Variants in ARHGAP6 observed in about 807,000 individuals in gnomAD.
ARHGAP6 encodes Rho GTPase activating protein 6.
ARHGAP6 carries 16 observed loss-of-function variants against 55.7 expected under a neutral mutation model. That is an observed-to-expected ratio of 0.29 (90% CI 0.19 to 0.44). The LOEUF (loss-of-function observed/expected upper bound fraction) is 0.44. Among genes scored for constraint, ARHGAP6 ranks in the 20% least tolerant of loss-of-function variants. The pLI is 1.00. For synonymous variants in ARHGAP6, 382 were observed against 360.9 expected, an observed-to-expected ratio of 1.06 and a Z score of -0.66; for missense variants, 698 against 808.9, an observed-to-expected ratio of 0.86 and a Z score of 1.66.
chrX:11,518,866 T>G (rs1192674489), intron 1 of ARHGAP6, among the ~76,000 whole-genome samples: 1 of 84,970 alleles, frequency 1.2e-5, no homozygotes, highest in African/African-American at 4.6e-5. Flanking sequence ...TTCCCACCTA[T>G]GAGTGAGAAT....
chrX:11,527,408 T>C (rs1019535298), intron 1 of ARHGAP6, among the ~76,000 whole-genome samples: 1 of 111,674 alleles, frequency 9.0e-6, no homozygotes, highest in Non-Finnish European at 1.9e-5. Flanking sequence ...GGTCAGGAGT[T>C]GGAGACCAGC....
intron 8 of ARHGAP6, among the ~76,000 whole-genome samples, chrX:11,177,811 T>C (rs955494283): frequency 6.2e-5 from 7 of 112,156 alleles, no homozygotes; most frequent in Non-Finnish European, 1.3e-4. Context: ...GTTCACTGTT[T>C]TTCTTCTTTA....
intron 2 of ARHGAP6, among the ~76,000 whole-genome samples, chrX:11,233,868 T>C (rs1428520684): frequency 8.9e-6 from 1 of 112,432 alleles, no homozygotes; most frequent in Non-Finnish European, 1.9e-5. Flanking sequence ...GTACATTGGA[T>C]ACAAGACACA....
chrX:11,390,157 T>G (rs1454218680), intron 1 of ARHGAP6, among the ~76,000 whole-genome samples: 1 of 112,018 alleles, frequency 8.9e-6, no homozygotes, highest in Non-Finnish European at 1.9e-5. Flanking sequence ...CTAGCCAATT[T>G]TCCCAGCACC....
chrX:11,521,129 T>G (rs899594331), intron 1 of ARHGAP6, among the ~76,000 whole-genome samples: 2 of 112,089 alleles, frequency 1.8e-5, no homozygotes, highest in African/African-American at 6.5e-5. Context: ...TCTGATAGTA[T>G]TTTCTTTTGC....
At chrX:11,171,307 TTTC>T (rs754633067) in intron 8 of ARHGAP6, among the ~76,000 whole-genome samples, 1 of 110,349 alleles carries the variant, frequency 9.1e-6, no homozygotes, top group Non-Finnish European at 1.9e-5. Context: ...CACCTGATAT[TTTC>T]TTCTTTAAAA....
At chrX:11,153,549 AG>A in intron 10 of ARHGAP6, among the ~76,000 whole-genome samples, 2 of 104,955 alleles carry the variant, frequency 1.9e-5, no homozygotes, top group African/African-American at 6.9e-5. Context: ...AAAAAAAAAA[AG>A]GCAACTACAG....
chrX:11,276,383 A>G (rs2047765870), intron 1 of ARHGAP6, among the ~76,000 whole-genome samples: 1 of 112,245 alleles, frequency 8.9e-6, no homozygotes. Context: ...GTTGAAAGAA[A>G]ATTTGAAGGA....
chrX:11,147,076 A>G (rs984119216), intron 10 of ARHGAP6, among the ~76,000 whole-genome samples: 5 of 112,066 alleles, frequency 4.5e-5, no homozygotes, highest in African/African-American at 1.6e-4. Context: ...ATTGTTTTAT[A>G]TCTGTCAGAA....
intron 1 of ARHGAP6, chrX:11,427,524 C>T: frequency 1.1e-6 from 1 of 943,163 alleles, no homozygotes; most frequent in South Asian, 2.1e-5. Context: ...CCCCTGTGTC[C>T]TCTGCACGCG....
At chrX:11,620,869 C>T (rs758775693) in intron 1 of ARHGAP6, among the ~76,000 whole-genome samples, 4 of 111,924 alleles carry the variant, frequency 3.6e-5, no homozygotes, top group South Asian at 3.8e-4. Context: ...AAGAATCATC[C>T]GGTCCAAAAT....
intron 1 of ARHGAP6, among the ~76,000 whole-genome samples, chrX:11,654,903 C>T (rs938635179): frequency 8.9e-6 from 1 of 112,147 alleles, no homozygotes; most frequent in Non-Finnish European, 1.9e-5. Context: ...GTAAAATTCA[C>T]AGACCATATA....
chrX:11,517,033 T>A (rs761566884), intron 1 of ARHGAP6, among the ~76,000 whole-genome samples: 1 of 111,902 alleles, frequency 8.9e-6, no homozygotes, highest in African/African-American at 3.2e-5. Context: ...ATAACAATAA[T>A]AACAATCACA....
intron 1 of ARHGAP6, among the ~76,000 whole-genome samples, chrX:11,579,252 C>T (rs1469079274): frequency 9.0e-6 from 1 of 111,264 alleles, no homozygotes; most frequent in Non-Finnish European, 1.9e-5. Context: ...TTTGGACGAT[C>T]ATGGGCCCAA....
chrX:11,344,142 A>G (rs1250166719), intron 1 of ARHGAP6, among the ~76,000 whole-genome samples: 1 of 111,820 alleles, frequency 8.9e-6, no homozygotes, highest in Admixed American at 9.5e-5. Context: ...GTTACTCAAT[A>G]TAAGCATTAT....
intron 1 of ARHGAP6, among the ~76,000 whole-genome samples, chrX:11,614,234 G>C (rs2052136836): frequency 8.9e-6 from 1 of 111,795 alleles, no homozygotes; most frequent in African/African-American, 3.3e-5. Flanking sequence ...GTTGAGAAAG[G>C]GATTGTTTCA....
rs1444952824 is a variant in ARHGAP6, at chrX:11,139,243, G to A, written c.2545C>T (p.Leu849Phe). ...GCCACATCCAGCTCACTCTCGCTGA[G>A]GTCGTGGGCGCCGCTCAGGGTCAAG... ...QYLTLSGAHDLSESELDVAGL... is the reference protein window; with the variant it reads ...QYLTLSGAHDFSESELDVAGL... Residue 849 changes from leucine (L) to phenylalanine (F), a missense_variant, in exon 13 of 13, where the codon CTC (leucine) becomes TTC (phenylalanine). Around this residue, in one of 3 missense-constraint regions of ARHGAP6, gnomAD observed 212 missense variants for 208.7 expected, o/e 1.02. Transcript: ENST00000337414. 40 of 1,197,207 alleles carry A rather than the reference G, an allele frequency of 3.3e-5. No individual in the cohort carries two copies. Among genetic ancestry groups the A allele is most frequent in the Non-Finnish European group, 4.4e-5 (39 of 889,452 alleles).
At chrX:11,179,236 A>G in intron 7 of ARHGAP6, 66 bp downstream of exon 7, 2 of 1,031,344 alleles carry the variant, frequency 1.9e-6, no homozygotes, top group Non-Finnish European at 2.6e-6. Context: ...GCATAAAGTT[A>G]TGATGAATGA....
chrX:11,526,697 T>C, intron 1 of ARHGAP6, among the ~76,000 whole-genome samples: 1 of 112,048 alleles, frequency 8.9e-6, no homozygotes, highest in Admixed American at 9.5e-5. Flanking sequence ...TCCTCCAATC[T>C]ATTTGCACAC....
Sources: allele counts gnomAD v4.1 joint callset (sites outside exome capture counted in the v4.1 genomes callset), GRCh38; gene constraint gnomAD v4.1.1; regional missense constraint gnomAD v4.1.1; transcripts MANE v1.5; gene names NCBI Gene and HGNC (gene_info 2026-07-23, HGNC 2026-07-21).